Variants in FOXN3 observed in about 807,000 individuals in gnomAD.
FOXN3 encodes the protein forkhead box protein N3.
In FOXN3, 7 loss-of-function variants were observed where a neutral mutation model predicts 38.4. The observed-to-expected ratio is 0.18, with a 90% confidence interval of 0.10 to 0.34. FOXN3 has a LOEUF of 0.34. FOXN3 is among the 10% of genes least tolerant of loss of function. The pLI, the probability that FOXN3 is intolerant of heterozygous loss-of-function variation, is 1.00. For synonymous variants in FOXN3, 230 were observed against 242.2 expected, an observed-to-expected ratio of 0.95 and a Z score of 0.47; for missense variants, 456 against 613.4, an observed-to-expected ratio of 0.74 and a Z score of 2.71.
intron 4 of FOXN3, among the ~76,000 whole-genome samples, chr14:89,226,648 T>C (rs1231167812): frequency 2.6e-5 from 4 of 152,164 alleles, no homozygotes; most frequent in African/African-American, 9.7e-5. Context: ...CCAACCCCAA[T>C]TCATGTGTTC....
intron 1 of FOXN3, among the ~76,000 whole-genome samples, chr14:89,538,930 G>A (rs1194634355): frequency 2.0e-5 from 3 of 151,814 alleles, no homozygotes; most frequent in South Asian, 2.1e-4. Context: ...TGCAACTTCC[G>A]CCCCATGGGT....
At chr14:89,281,620 C>T (rs1387857475) in intron 3 of FOXN3, among the ~76,000 whole-genome samples, 7 of 152,136 alleles carry the variant, frequency 4.6e-5, no homozygotes, top group African/African-American at 1.7e-4. Context: ...AGTGTGGTAA[C>T]AGGAGAGGCA....
At chr14:89,399,357 G>T (rs1196272378) in intron 2 of FOXN3, among the ~76,000 whole-genome samples, 3 of 152,160 alleles carry the variant, frequency 2.0e-5, no homozygotes, top group Non-Finnish European at 4.4e-5. Flanking sequence ...GCAAAGAGGA[G>T]GCTAGAACAG....
chr14:89,308,604 C>T (rs1337180729), intron 3 of FOXN3, among the ~76,000 whole-genome samples: 1 of 152,306 alleles, frequency 6.6e-6, no homozygotes, highest in African/African-American at 2.4e-5. Context: ...CCACATACTA[C>T]GGGAAGAAGC....
chr14:89,610,533 C>T (rs1896368556), intron 1 of FOXN3, among the ~76,000 whole-genome samples: 1 of 152,222 alleles, frequency 6.6e-6, no homozygotes, highest in Admixed American at 6.5e-5. Flanking sequence ...AGAAAACCAT[C>T]CACCCTTCAA....
In FOXN3 at chr14:89,325,224, CACCACCATCACTACCACCACCACG is replaced by C. The variant is rs1391830303; in HGVS notation, c.680+25424_680+25447del. On this transcript the variant is annotated intron_variant, in intron 3 of 5. Transcript: ENST00000557258. ...CATGCCAACACACATGCACCACCAC[CACCACCATCACTACCACCACCACG>C]ACCACCACCACCACCACCATCACCA... is the stretch of plus-strand genomic sequence containing the variant. Among the ~76,000 whole-genome samples, 89 of 145,554 alleles carry C rather than the reference CACCACCATCACTACCACCACCACG, an allele frequency of 6.1e-4. 1 individual carries two copies. Among genetic ancestry groups the C allele is most frequent in the East Asian group, 5.9e-4 (3 of 5,056 alleles).
At chr14:89,228,940 T>C (rs1446215396) in intron 4 of FOXN3, among the ~76,000 whole-genome samples, 2 of 152,344 alleles carry the variant, frequency 1.3e-5, no homozygotes, top group East Asian at 3.9e-4. Flanking sequence ...TAAAATGGGT[T>C]GTTGCTTCCC....
At chr14:89,598,458 AT>A (rs1025635363) in intron 1 of FOXN3, among the ~76,000 whole-genome samples, 8 of 151,844 alleles carry the variant, frequency 5.3e-5, no homozygotes, top group Non-Finnish European at 8.8e-5. Flanking sequence ...ATTTATTTTT[AT>A]TTTTTAATGG....
intron 2 of FOXN3, among the ~76,000 whole-genome samples, chr14:89,375,560 A>G (rs889239051): frequency 1.3e-5 from 2 of 152,222 alleles, no homozygotes; most frequent in East Asian, 3.8e-4. Flanking sequence ...AAACTATTTT[A>G]TGCACATTAT....
chr14:89,554,570 T>C (rs1338541119), intron 1 of FOXN3, among the ~76,000 whole-genome samples: 3 of 152,194 alleles, frequency 2.0e-5, no homozygotes, highest in African/African-American at 7.2e-5. Flanking sequence ...GGATATAGTA[T>C]AAACTTCAAA....
intron 4 of FOXN3, among the ~76,000 whole-genome samples, chr14:89,212,963 T>C (rs1353356210): frequency 6.6e-6 from 1 of 152,158 alleles, no homozygotes; most frequent in Admixed American, 6.5e-5. Flanking sequence ...AAAAAGCCAC[T>C]CAAAGGCAGA....
intron 1 of FOXN3, among the ~76,000 whole-genome samples, chr14:89,495,019 G>C (rs149266662): frequency 6.6e-6 from 1 of 152,294 alleles, no homozygotes; most frequent in East Asian, 1.9e-4. Context: ...AAGCCAAAAT[G>C]TATGGTTATT....
chr14:89,417,976 C>G (rs1305330172), upstream of FOXN3, among the ~76,000 whole-genome samples: 1 of 152,228 alleles, frequency 6.6e-6, no homozygotes, highest in Non-Finnish European at 1.5e-5. Flanking sequence ...TCAGTTTGAG[C>G]TCTCAGGAAC....
intron 3 of FOXN3, among the ~76,000 whole-genome samples, chr14:89,285,348 G>A (rs541951389): frequency 3.9e-5 from 6 of 152,050 alleles, no homozygotes; most frequent in African/African-American, 9.6e-5. Flanking sequence ...GTGAAACCCC[G>A]TCTCCACTAA....
chr14:89,506,761 T>C (rs936226337), intron 1 of FOXN3, among the ~76,000 whole-genome samples: 9 of 152,308 alleles, frequency 5.9e-5, no homozygotes, highest in Non-Finnish European at 1.2e-4. Context: ...ACGGGAGACT[T>C]TTCATTTTGT....
intron 3 of FOXN3, among the ~76,000 whole-genome samples, chr14:89,282,612 A>T (rs1479630792): frequency 6.6e-6 from 1 of 152,262 alleles, no homozygotes; most frequent in African/African-American, 2.4e-5. Flanking sequence ...AGCAGGGAAC[A>T]GCAAGCTGGC....
intron 1 of FOXN3, among the ~76,000 whole-genome samples, chr14:89,483,100 G>A (rs1015374641): frequency 1.2e-4 from 19 of 152,008 alleles, no homozygotes; most frequent in African/African-American, 4.4e-4. Context: ...CCAGCTACTC[G>A]GGGGACTGAA....
intron 3 of FOXN3, among the ~76,000 whole-genome samples, chr14:89,312,489 T>G (rs760805944): frequency 1.3e-5 from 2 of 151,890 alleles, no homozygotes; most frequent in Non-Finnish European, 2.9e-5. Flanking sequence ...AGGAGAACAG[T>G]CAAATATAAT....
Position 89,163,035 on chromosome 14 carries a change from T to C in FOXN3, c.852-66A>G. The C allele has an allele frequency of 2.1e-6, 3 of 1,416,356 alleles. No homozygotes were observed. The highest frequency in any genetic ancestry group is 2.8e-6 in the Non-Finnish European group (3 of 1,075,634). 87.7% of individuals were successfully genotyped at this position (1,416,356 alleles called of 1,614,324 possible). A position where few individuals can be genotyped will look rare whatever the true frequency, so the allele number is the denominator to read the frequency against. ...AGGGACACAGTTAGACGTCCTCAGATGGGGGCACCCGGCAGCCCGCCTGCA... is the reference window on the plus strand; with the variant it reads ...AGGGACACAGTTAGACGTCCTCAGACGGGGGCACCCGGCAGCCCGCCTGCA... On this transcript the variant is annotated intron_variant, in intron 5 of 5. Transcript: ENST00000557258. The surrounding 1 kb of genome is among the most constrained non-coding windows in gnomAD (Gnocchi z 4.3).
Sources: gnomAD v4.1 joint callset for allele counts (sites outside exome capture counted in the v4.1 genomes callset) on GRCh38, gnomAD v4.1.1 for gene constraint, Gnocchi (gnomAD v3.1) non-coding constraint, MANE v1.5 for transcripts, NCBI Gene and HGNC (gene_info 2026-07-23, HGNC 2026-07-21) for gene names.